DOCK1: variants seen among roughly 807,000 people sequenced by gnomAD.
DOCK1 encodes the protein dedicator of cytokinesis protein 1.
DOCK1 carries 138 observed loss-of-function variants against 262.7 expected under a neutral mutation model. That is an observed-to-expected ratio of 0.53 (90% CI 0.46 to 0.61). The LOEUF (loss-of-function observed/expected upper bound fraction) is 0.61. Ranked by LOEUF, DOCK1 falls within the 20% of genes least tolerant of loss-of-function variation. DOCK1 has a pLI of 0.00. For missense variants in DOCK1, 1,908 were observed against 2,370.7 expected, an observed-to-expected ratio of 0.80 and a Z score of 4.05; for synonymous variants, 866 against 867.4, an observed-to-expected ratio of 1.00 and a Z score of 0.03.
chr10:127,235,526 T>G (rs2059015836), intron 27 of DOCK1, among the ~76,000 whole-genome samples: 1 of 152,160 alleles, frequency 6.6e-6, no homozygotes, highest in South Asian at 2.1e-4. Flanking sequence ...TTTGTTTATT[T>G]AGTAGGTAGT....
intron 28 of DOCK1, among the ~76,000 whole-genome samples, chr10:127,249,966 A>G (rs2059569165): frequency 6.6e-6 from 1 of 152,220 alleles, no homozygotes; most frequent in Admixed American, 6.5e-5. Flanking sequence ...TCCTGTTTAT[A>G]TCCCATGACT....
At chr10:127,358,728 C>T (rs1017621479) in intron 32 of DOCK1, among the ~76,000 whole-genome samples, 1 of 152,248 alleles carries the variant, frequency 6.6e-6, no homozygotes, top group African/African-American at 2.4e-5. Flanking sequence ...TGGGTGTGGC[C>T]AGGTGGTGGA....
chr10:127,450,831 G>A (rs936929682), intron 51 of DOCK1, among the ~76,000 whole-genome samples: 4 of 152,276 alleles, frequency 2.6e-5, no homozygotes, highest in Non-Finnish European at 5.9e-5. Context: ...GTCAATGACC[G>A]CTTTTCGGCC....
At chr10:126,928,904 C>T (rs892597110) in intron 1 of DOCK1, among the ~76,000 whole-genome samples, 59 of 152,360 alleles carry the variant, frequency 3.9e-4, no homozygotes, top group African/African-American at 1.4e-3. Context: ...GAGGCTTGAT[C>T]TGTTGGTCTA....
intron 3 of DOCK1, among the ~76,000 whole-genome samples, chr10:126,979,198 T>A (rs920677068): frequency 6.6e-6 from 1 of 152,172 alleles, no homozygotes; most frequent in Non-Finnish European, 1.5e-5. Context: ...AAAGTTCTAT[T>A]TTCACATTGG....
chr10:127,270,168 C>T (rs2060510099), intron 29 of DOCK1, among the ~76,000 whole-genome samples: 1 of 152,148 alleles, frequency 6.6e-6, no homozygotes, highest in African/African-American at 2.4e-5. Context: ...CATCTCAGTC[C>T]TGGCCGCACC....
intron 23 of DOCK1, among the ~76,000 whole-genome samples, chr10:127,097,954 C>T (rs1221537246): frequency 1.3e-5 from 2 of 152,172 alleles, no homozygotes; most frequent in African/African-American, 4.8e-5. Flanking sequence ...ATAAGTGGGC[C>T]TCACTCCAAA....
At chr10:126,948,931 G>C (rs1454914245) in intron 1 of DOCK1, among the ~76,000 whole-genome samples, 1 of 152,158 alleles carries the variant, frequency 6.6e-6, no homozygotes. Flanking sequence ...CTGGTTGTAT[G>C]CCTGGGCCCC....
intron 29 of DOCK1, among the ~76,000 whole-genome samples, chr10:127,317,760 G>A (rs1312830229): frequency 6.6e-6 from 1 of 152,176 alleles, no homozygotes; most frequent in Non-Finnish European, 1.5e-5. Context: ...TTGCCGGTGT[G>A]CCTGCATGTT....
At chr10:127,165,319 G>C (rs1463255169) in intron 27 of DOCK1, among the ~76,000 whole-genome samples, 1 of 152,140 alleles carries the variant, frequency 6.6e-6, no homozygotes, top group East Asian at 1.9e-4. Flanking sequence ...GCCTGACCTT[G>C]CATTTGCTTT....
intron 27 of DOCK1, among the ~76,000 whole-genome samples, chr10:127,239,533 C>T (rs2134674598): frequency 6.6e-6 from 1 of 152,242 alleles, no homozygotes; most frequent in African/African-American, 2.4e-5. Context: ...TTATGTAAGG[C>T]ATTCCATTTT....
At position 127,367,588 on chromosome 10, in the gene DOCK1, T is replaced by A. The variant is rs192756466; in HGVS notation, c.3432+5376T>A. Among the ~76,000 whole-genome samples the A allele has an allele frequency of 4.6e-5, 7 of 152,210 alleles. No individual in the cohort carries two copies. The East Asian group carries it at 1.4e-3, about 30-fold the overall frequency. On this transcript the variant is annotated intron_variant, in intron 33 of 51. Transcript: ENST00000623213. ...AGTGGAAGCCTGCTGTGAAGTGTCG[T>A]GTTCTGCAGGAGCTGGGCCAGACAG...
At chr10:127,076,719 C>T (rs1275380554) in intron 23 of DOCK1, among the ~76,000 whole-genome samples, 1 of 152,154 alleles carries the variant, frequency 6.6e-6, no homozygotes, top group Non-Finnish European at 1.5e-5. Flanking sequence ...GGAGCTGCTC[C>T]ATTGAAACCC....
intron 1 of DOCK1, among the ~76,000 whole-genome samples, chr10:126,922,505 C>T (rs987016091): frequency 2.0e-5 from 3 of 152,114 alleles, no homozygotes; most frequent in Admixed American, 6.5e-5. Flanking sequence ...CGGGAACTCA[C>T]TGAGTAAGAA....
chr10:127,155,375 A>G (rs1228435839), intron 27 of DOCK1, among the ~76,000 whole-genome samples: 1 of 152,150 alleles, frequency 6.6e-6, no homozygotes, highest in African/African-American at 2.4e-5. Flanking sequence ...AAGTGACCAT[A>G]TTCTGCTCCA....
chr10:127,270,165 G>T (rs1475491182), intron 29 of DOCK1, among the ~76,000 whole-genome samples: 19 of 152,178 alleles, frequency 1.2e-4, no homozygotes, highest in Non-Finnish European at 2.9e-5. Flanking sequence ...GTCCATCTCA[G>T]TCCTGGCCGC....
At chr10:126,934,824 G>A in intron 1 of DOCK1, among the ~76,000 whole-genome samples, 1 of 135,176 alleles carries the variant, frequency 7.4e-6, no homozygotes. Context: ...ATTATGGAAA[G>A]TATAAAACTA....
intron 50 of DOCK1, 64 bp from the exon 51 acceptor site, chr10:127,447,330 C>T (rs2070640032): frequency 6.4e-7 from 1 of 1,564,974 alleles, no homozygotes; most frequent in Non-Finnish European, 8.7e-7. Context: ...CGTGGAGCAG[C>T]TCCCTGAGCA....
chr10:127,115,470 A>G (rs979593377), intron 25 of DOCK1, among the ~76,000 whole-genome samples: 8 of 152,236 alleles, frequency 5.3e-5, no homozygotes, highest in Non-Finnish European at 8.8e-5. Flanking sequence ...TCAAAGCAAG[A>G]TAGATACAAA....
Sources: gnomAD v4.1 joint callset for allele counts (sites outside exome capture counted in the v4.1 genomes callset) on GRCh38, gnomAD v4.1.1 for gene constraint, MANE v1.5 for transcripts, NCBI Gene and HGNC (gene_info 2026-07-23, HGNC 2026-07-21) for gene names.